KIF16B: variants seen among roughly 807,000 people sequenced by gnomAD.
KIF16B encodes the protein kinesin-like protein KIF16B.
KIF16B carries 98 observed loss-of-function variants against 156.3 expected under a neutral mutation model. The observed-to-expected ratio is 0.63, with a 90% CI of 0.53 to 0.74. KIF16B has a LOEUF of 0.74. Ranked by LOEUF, KIF16B falls within the 30% of genes least tolerant of loss-of-function variation. The probability of loss-of-function intolerance (pLI) is 0.00; values close to 1 mark genes in which losing one functional copy is unlikely to be tolerated. For missense variants in KIF16B, 1,421 were observed against 1,606.5 expected (o/e 0.88, Z 1.97); for synonymous variants, 564 against 583.7 (o/e 0.97, Z 0.49).
At chr20:16,396,073 T>TA (rs1477561481) in intron 17 of KIF16B, among the ~76,000 whole-genome samples, 1 of 152,062 alleles carries the variant, frequency 6.6e-6, no homozygotes, top group Non-Finnish European at 1.5e-5. Context: ...TTGTGATAGT[T>TA]AAAAAACAGA....
intron 12 of KIF16B, among the ~76,000 whole-genome samples, chr20:16,449,268 G>A (rs1212475632): frequency 6.6e-6 from 1 of 152,044 alleles, no homozygotes; most frequent in Admixed American, 6.6e-5. Context: ...AAGACCTGCT[G>A]AAAATTTTAA....
chr20:16,521,645 A>C (rs1024359246), intron 3 of KIF16B, among the ~76,000 whole-genome samples: 1 of 152,204 alleles, frequency 6.6e-6, no homozygotes, highest in African/African-American at 2.4e-5. Flanking sequence ...ACAGGCCAAC[A>C]TTCAAATTCA....
intron 16 of KIF16B, among the ~76,000 whole-genome samples, chr20:16,405,267 C>T (rs892239932): frequency 1.2e-4 from 19 of 152,156 alleles, no homozygotes; most frequent in African/African-American, 4.6e-4. Context: ...GATATTCCCT[C>T]ACACTTAGAA....
chr20:16,369,165 C>T (rs2064754811), intron 22 of KIF16B: 1 of 985,826 alleles, frequency 1.0e-6, no homozygotes, highest in Non-Finnish European at 1.2e-6. Context: ...AGTGGTCGTT[C>T]TGATCCACCT....
At chr20:16,367,658 T>C (rs1225762030) in intron 22 of KIF16B, 2 of 1,612,540 alleles carry the variant, frequency 1.2e-6, no homozygotes, top group South Asian at 2.2e-5. Context: ...TCAACCAAGG[T>C]AGTCTGGAAT....
intron 1 of KIF16B, among the ~76,000 whole-genome samples, chr20:16,565,313 G>A (rs1257021096): frequency 6.6e-6 from 1 of 152,148 alleles, no homozygotes; most frequent in Non-Finnish European, 1.5e-5. Context: ...CCATAGAGCC[G>A]TGACATCATC....
intron 1 of KIF16B, among the ~76,000 whole-genome samples, chr20:16,545,853 C>T (rs1011747108): frequency 6.6e-6 from 1 of 151,862 alleles, no homozygotes; most frequent in Admixed American, 6.6e-5. Flanking sequence ...CACTATAACC[C>T]TCTTCCCAGT....
At chr20:16,321,516 T>C (rs964006813) in intron 24 of KIF16B, among the ~76,000 whole-genome samples, 2 of 152,040 alleles carry the variant, frequency 1.3e-5, no homozygotes, top group African/African-American at 2.4e-5. Flanking sequence ...TTAAGTTTCA[T>C]TTCAGTTCTG....
chr20:16,365,723 C>T lies in KIF16B; in HGVS notation c.3498+4863G>A, dbSNP rs554787895. ...AGTTTCTGTGTGTGTTAAGCTTTGA[C>T]ACCATCTCCGTCATTGGTTAGGAAC... is the stretch of plus-strand genomic sequence containing the variant. On this transcript the variant is annotated intron_variant, in intron 22 of 25. Coordinates refer to ENST00000354981, the MANE Select transcript of KIF16B (RefSeq NM_024704.5). 1.2e-3 allele frequency among the ~76,000 whole-genome samples: 180 copies of T among 152,338 alleles called. 1 individual carries two copies. Among genetic ancestry groups the T allele is most frequent in the African/African-American group, 3.8e-3 (158 of 41,582 alleles).
intron 12 of KIF16B, among the ~76,000 whole-genome samples, chr20:16,449,821 T>G (rs1185114673): frequency 6.6e-6 from 1 of 152,176 alleles, no homozygotes; most frequent in African/African-American, 2.4e-5. Flanking sequence ...AGAGCCACCT[T>G]GACATGACTT....
chr20:16,535,238 A>G (rs1379871674), intron 1 of KIF16B, among the ~76,000 whole-genome samples: 2 of 151,872 alleles, frequency 1.3e-5, no homozygotes, highest in Non-Finnish European at 2.9e-5. Context: ...ATTCCCAAGT[A>G]TTTTTCTTTG....
chr20:16,456,986 T>A (rs1388446612), intron 12 of KIF16B, among the ~76,000 whole-genome samples: 1 of 152,088 alleles, frequency 6.6e-6, no homozygotes, highest in Non-Finnish European at 1.5e-5. Context: ...ACATATCAAA[T>A]CAAGACAAAA....
chr20:16,494,151 C>T, intron 12 of KIF16B, 140 bp downstream of exon 12: 1 of 612,966 alleles, frequency 1.6e-6, no homozygotes, highest in Non-Finnish European at 2.9e-6. Flanking sequence ...ACTCCCATCC[C>T]ATGAAAGTCA....
intron 17 of KIF16B, among the ~76,000 whole-genome samples, chr20:16,395,811 A>T (rs568449662): frequency 6.6e-6 from 1 of 152,142 alleles, no homozygotes; most frequent in African/African-American, 2.4e-5. Context: ...TTATATCGAC[A>T]CATTCAACAC....
intron 1 of KIF16B, among the ~76,000 whole-genome samples, chr20:16,570,579 T>C (rs1311671065): frequency 6.6e-6 from 1 of 152,214 alleles, no homozygotes. Context: ...GTCAAGTATA[T>C]TCAGTTGCCA....
At chr20:16,364,872 T>C (rs1377383626) in intron 22 of KIF16B, among the ~76,000 whole-genome samples, 1 of 152,230 alleles carries the variant, frequency 6.6e-6, no homozygotes, top group African/African-American at 2.4e-5. Context: ...TTTTATACGA[T>C]GCTCGTATCT....
chr20:16,399,041 A>T (rs2065584227), intron 17 of KIF16B, among the ~76,000 whole-genome samples: 1 of 152,228 alleles, frequency 6.6e-6, no homozygotes, highest in Admixed American at 6.5e-5. Context: ...AAAGAGCAGA[A>T]GAAAGCTCTG....
At chr20:16,568,798 C>A (rs2071352433) in intron 1 of KIF16B, among the ~76,000 whole-genome samples, 1 of 103,654 alleles carries the variant, frequency 9.6e-6, no homozygotes, top group Non-Finnish European at 1.7e-5. Flanking sequence ...CTAGCCTAGA[C>A]AACAGGGTAA....
chr20:16,462,219 C>T (rs149458797), intron 12 of KIF16B, among the ~76,000 whole-genome samples: 23 of 149,978 alleles, frequency 1.5e-4, no homozygotes, highest in South Asian at 1.3e-3. Flanking sequence ...CCAGCCTGGG[C>T]GGCAAGAGCA....
Sources: gnomAD v4.1 joint callset for allele counts (sites outside exome capture counted in the v4.1 genomes callset) on GRCh38, gnomAD v4.1.1 for gene constraint, MANE v1.5 for transcripts, NCBI Gene and HGNC (gene_info 2026-07-23, HGNC 2026-07-21) for gene names.